Variants in USP10 observed in about 807,000 individuals in gnomAD.
USP10 encodes ubiquitin carboxyl-terminal hydrolase 10.
In USP10, 22 loss-of-function variants were observed where a neutral mutation model predicts 84.5. The ratio of observed to expected loss-of-function variants is 0.26; its 90% CI spans 0.19 to 0.37. The LOEUF (loss-of-function observed/expected upper bound fraction) is 0.37. Among genes scored for constraint, USP10 ranks in the 10% least tolerant of loss-of-function variants. The pLI, the probability that USP10 is intolerant of heterozygous loss-of-function variation, is 1.00. For missense variants in USP10, 1,019 were observed against 998.9 expected, an observed-to-expected ratio of 1.02 and a Z score of -0.27; for synonymous variants, 454 against 387.6, an observed-to-expected ratio of 1.17 and a Z score of -2.01.
rs541298320 is a variant in USP10, at chr16:84,749,761, C to T, written c.1192+4088C>T. Among the ~76,000 whole-genome samples, 13 of 152,108 alleles carry T rather than the reference C, an allele frequency of 8.5e-5. No individual in the cohort carries two copies. The East Asian group carries it at 1.9e-3, about 23-fold the overall frequency. ...GAAGGCAGATGGACTAAAAGAATCA[C>T]GTATAAGGGATTTTGAAGTGAAATA... On this transcript the variant is annotated intron_variant, in intron 4 of 13. Coordinates refer to ENST00000219473, the MANE Select transcript of USP10 (RefSeq NM_005153.3).
chr16:84,737,546 A>C (rs758172538), intron 2 of USP10, among the ~76,000 whole-genome samples: 1 of 152,230 alleles, frequency 6.6e-6, no homozygotes, highest in African/African-American at 2.4e-5. Flanking sequence ...GCCACAACCC[A>C]TCTGGCATTC....
intron 10 of USP10, among the ~76,000 whole-genome samples, chr16:84,764,772 A>G (rs2150858811): frequency 6.6e-6 from 1 of 151,970 alleles, no homozygotes. Flanking sequence ...CAGAGGTTGC[A>G]GTGGCCCAGA....
intron 1 of USP10, among the ~76,000 whole-genome samples, chr16:84,715,848 CA>C (rs1804001724): frequency 6.6e-6 from 1 of 152,106 alleles, no homozygotes. Flanking sequence ...TTCTGCCTGT[CA>C]GTATTATCCC....
intron 1 of USP10, among the ~76,000 whole-genome samples, chr16:84,714,708 C>A (rs2150768080): frequency 6.6e-6 from 1 of 151,902 alleles, no homozygotes; most frequent in South Asian, 2.1e-4. Context: ...TTTCCTAGAG[C>A]AAATTAAGCA....
intron 4 of USP10, among the ~76,000 whole-genome samples, chr16:84,748,058 A>G (rs113384584): frequency 0.24 from 34,964 of 148,052 alleles, 4,353 homozygotes; most frequent in East Asian, 0.38. Context: ...GGAGGCTGAG[A>G]CAGGAGAATG....
intron 4 of USP10, among the ~76,000 whole-genome samples, chr16:84,753,967 A>T (rs1317074095): frequency 1.2e-4 from 19 of 152,152 alleles, no homozygotes; most frequent in Admixed American, 1.2e-3. Context: ...GAAAGCAAGG[A>T]GGGGAGGCCT....
chr16:84,701,877 A>G (rs11644121), intron 1 of USP10, among the ~76,000 whole-genome samples: 32,793 of 151,242 alleles, frequency 0.22, 3,967 homozygotes, highest in Non-Finnish European at 0.29. Context: ...AAATGCTTTT[A>G]AGTTTTAGCA....
intron 12 of USP10, among the ~76,000 whole-genome samples, chr16:84,774,535 A>G (rs1464951602): frequency 1.3e-5 from 2 of 151,236 alleles, no homozygotes; most frequent in East Asian, 2.0e-4. Context: ...CAGTGGCGCG[A>G]TCTCGGCTCG....
chr16:84,740,384 T>C lies in USP10; in HGVS notation c.151+15T>C. Reference sequence around the variant, plus strand: ...ACTACCTGATGGTAAGCTAGTTCTCTCCTTATTTCCCTGAAGGGAATTTGG... The same window carrying C: ...ACTACCTGATGGTAAGCTAGTTCTCCCCTTATTTCCCTGAAGGGAATTTGG... On this transcript the variant is annotated intron_variant, in intron 3 of 13. Coordinates refer to ENST00000219473, the MANE Select transcript of USP10 (RefSeq NM_005153.3). 6.2e-7 allele frequency: 1 copy of C among 1,609,758 alleles called. No individual in the cohort carries two copies. The highest frequency in any genetic ancestry group is 2.2e-5 in the East Asian group (1 of 44,760).
At chr16:84,700,135 G>A in intron 1 of USP10, 24 bp downstream of exon 1, 1 of 1,323,112 alleles carries the variant, frequency 7.6e-7, no homozygotes, top group Non-Finnish European at 9.9e-7. Flanking sequence ...TGCGCCTTCG[G>A]CCGGAAGGGG....
chr16:84,734,343 C>G (rs902420871), intron 2 of USP10, among the ~76,000 whole-genome samples: 5 of 152,176 alleles, frequency 3.3e-5, no homozygotes, highest in Non-Finnish European at 7.4e-5. Flanking sequence ...AATGGACTCT[C>G]ATTGTTTTAA....
chr16:84,714,135 A>G (rs1250561348), intron 1 of USP10, among the ~76,000 whole-genome samples: 1 of 151,840 alleles, frequency 6.6e-6, no homozygotes, highest in African/African-American at 2.4e-5. Context: ...GCGGAGGTAG[A>G]TTGTTGCAGA....
chr16:84,774,588 A>C (rs1246628696), intron 12 of USP10, among the ~76,000 whole-genome samples: 3 of 151,512 alleles, frequency 2.0e-5, no homozygotes, highest in Non-Finnish European at 2.9e-5. Flanking sequence ...CTCCTGCCTC[A>C]GCCTCCCGAG....
intron 1 of USP10, among the ~76,000 whole-genome samples, chr16:84,702,941 C>T (rs987329177): frequency 7.6e-6 from 1 of 131,286 alleles, no homozygotes; most frequent in Non-Finnish European, 1.6e-5. Context: ...TGCAGTGAGC[C>T]GAGATCATGC....
intron 1 of USP10, among the ~76,000 whole-genome samples, chr16:84,720,266 C>T (rs878860627): frequency 2.6e-5 from 4 of 152,184 alleles, no homozygotes; most frequent in Non-Finnish European, 4.4e-5. Flanking sequence ...GGGTGGCCTC[C>T]AGTAGCTGGC....
At chr16:84,757,563 A>G (rs1912731671) in intron 4 of USP10, among the ~76,000 whole-genome samples, 1 of 152,188 alleles carries the variant, frequency 6.6e-6, no homozygotes, top group Non-Finnish European at 1.5e-5. Flanking sequence ...GATGGATGCT[A>G]CTATCAAATG....
rs1915331143 is a variant in USP10, at chr16:84,779,220, A to G, written c.*138A>G. 9.8e-7 allele frequency: 1 copy of G among 1,025,234 alleles called. No individual in the cohort carries two copies. The highest frequency in any genetic ancestry group is 1.4e-6 in the Non-Finnish European group (1 of 717,952). 63.5% of individuals were successfully genotyped at this position (1,025,234 alleles called of 1,614,324 possible). ...AAAAATGGGCTAGAATGAAAAGGAG[A>G]TGCCTTGGGGTTCGTGCACAACACA... On this transcript the variant is annotated 3_prime_UTR_variant, in exon 14 of 14. Transcript: ENST00000219473.
chr16:84,757,374 A>C (rs1912667200), intron 4 of USP10, among the ~76,000 whole-genome samples: 1 of 144,564 alleles, frequency 6.9e-6, no homozygotes, highest in Admixed American at 7.1e-5. Flanking sequence ...ACATTTATTC[A>C]TAGGAAGGAG....
intron 2 of USP10, 40 bp from the exon 3 acceptor site, chr16:84,740,268 AT>A (rs1257709029): frequency 3.2e-6 from 5 of 1,586,248 alleles, no homozygotes; most frequent in South Asian, 1.1e-5. Context: ...TGGTTTTAAC[AT>A]TTTGTTGAAT....
Sources: gnomAD v4.1 joint callset for allele counts (sites outside exome capture counted in the v4.1 genomes callset) on GRCh38, gnomAD v4.1.1 for gene constraint, MANE v1.5 for transcripts, NCBI Gene and HGNC (gene_info 2026-07-23, HGNC 2026-07-21) for gene names.